FAM135A: variants seen among roughly 807,000 people sequenced by gnomAD.
The protein encoded by FAM135A is family with sequence similarity 135 member A, also known as protein FAM135A.
In FAM135A, 79 loss-of-function variants were observed where a neutral mutation model predicts 146.8. That is an observed-to-expected ratio of 0.54 (90% CI 0.45 to 0.65). The LOEUF (loss-of-function observed/expected upper bound fraction) is 0.65, where lower values mean the gene tolerates loss of function less well. Among genes scored for constraint, FAM135A ranks in the 30% least tolerant of loss-of-function variants. FAM135A has a pLI of 0.00. For synonymous variants in FAM135A, 562 were observed against 603.6 expected (o/e 0.93, Z 1.01); for missense variants, 1,623 against 1,758.2 (o/e 0.92, Z 1.38).
Position 70,560,894 on chromosome 6 carries a change from T to C in FAM135A, c.*973T>C, listed in dbSNP as rs1314695165. On this transcript the variant is annotated 3_prime_UTR_variant, in exon 22 of 22. Transcript: ENST00000418814. Reference sequence around the variant, plus strand: ...AAAATAATTAACTTTACATGTTTGGTGATACAGATGCAAATGTTTTTGATA... The same window carrying C: ...AAAATAATTAACTTTACATGTTTGGCGATACAGATGCAAATGTTTTTGATA... The C allele has an allele frequency of 6.6e-6, 1 of 152,606 alleles. No homozygotes were observed. The highest frequency in any genetic ancestry group is 1.5e-5 in the Non-Finnish European group (1 of 67,992). The allele number at this position is 152,606 out of a possible 1,614,324, so 9.5% of individuals were successfully genotyped here. A position where few individuals can be genotyped will look rare whatever the true frequency, so the allele number is the denominator to read the frequency against.
intron 12 of FAM135A, among the ~76,000 whole-genome samples, chr6:70,512,140 A>G (rs1791129382): frequency 1.3e-5 from 2 of 151,980 alleles, no homozygotes; most frequent in South Asian, 4.1e-4. Flanking sequence ...CCCATAAGCA[A>G]CTACTGTCTT....
intron 5 of FAM135A, among the ~76,000 whole-genome samples, chr6:70,474,850 C>A (rs1782315284): frequency 1.3e-5 from 2 of 152,194 alleles, no homozygotes; most frequent in African/African-American, 4.8e-5. Context: ...ATTCTCCCCT[C>A]TCTGGATATT....
At chr6:70,436,178 C>G (rs1773098598) in intron 4 of FAM135A, among the ~76,000 whole-genome samples, 1 of 141,552 alleles carries the variant, frequency 7.1e-6, no homozygotes, top group Non-Finnish European at 1.5e-5. Context: ...GAACAAGATT[C>G]TGTCTCAAAA....
chr6:70,470,538 C>A (rs977494470), intron 5 of FAM135A, among the ~76,000 whole-genome samples: 2 of 152,082 alleles, frequency 1.3e-5, no homozygotes, highest in Non-Finnish European at 2.9e-5. Context: ...TGTATTTTTA[C>A]TAGAGACAGG....
chr6:70,511,431 A>C (rs1037717577), intron 12 of FAM135A, among the ~76,000 whole-genome samples: 13 of 151,940 alleles, frequency 8.6e-5, no homozygotes, highest in Non-Finnish European at 1.5e-4. Flanking sequence ...CTACTAATAC[A>C]GTTTTCTTGG....
chr6:70,429,735 CAT>C (rs1281008910), intron 4 of FAM135A, among the ~76,000 whole-genome samples: 1 of 151,968 alleles, frequency 6.6e-6, no homozygotes, highest in East Asian at 1.9e-4. Flanking sequence ...CACTTACTAA[CAT>C]GATGGATATT....
At chr6:70,487,146 C>CAGG (rs1784855086) in intron 10 of FAM135A, among the ~76,000 whole-genome samples, 1 of 142,466 alleles carries the variant, frequency 7.0e-6, no homozygotes, top group South Asian at 2.3e-4. Context: ...AATATCCTAT[C>CAGG]AGGATCTGGG....
chr6:70,481,161 C>A, intron 9 of FAM135A, 134 bp downstream of exon 9: 1 of 837,320 alleles, frequency 1.2e-6, no homozygotes, highest in Non-Finnish European at 1.7e-6. Flanking sequence ...TAAATATGAT[C>A]TTAAAAATTG....
At chr6:70,497,841 A>G (rs1295551080) in intron 11 of FAM135A, among the ~76,000 whole-genome samples, 2 of 152,196 alleles carry the variant, frequency 1.3e-5, no homozygotes, top group African/African-American at 4.8e-5. Context: ...ATCATGGTGG[A>G]TAATCTTTTT....
chr6:70,551,637 C>G (rs990587905), intron 20 of FAM135A, among the ~76,000 whole-genome samples: 4 of 151,958 alleles, frequency 2.6e-5, no homozygotes, highest in Admixed American at 6.6e-5. Context: ...ATGTGAGAGA[C>G]GTGACTTTTC....
chr6:70,552,749 C>T (rs369963652), intron 20 of FAM135A, among the ~76,000 whole-genome samples: 4 of 151,846 alleles, frequency 2.6e-5, no homozygotes, highest in East Asian at 3.9e-4. Flanking sequence ...ATTACAGGCA[C>T]GAGCCACTGC....
intron 4 of FAM135A, among the ~76,000 whole-genome samples, chr6:70,442,945 A>G (rs924645173): frequency 1.3e-5 from 2 of 152,172 alleles, no homozygotes; most frequent in East Asian, 3.8e-4. Context: ...TTTTTATCTT[A>G]TATTTTCCCA....
chr6:70,443,838 T>C (rs1459568963), intron 4 of FAM135A, among the ~76,000 whole-genome samples: 1 of 152,178 alleles, frequency 6.6e-6, no homozygotes, highest in Non-Finnish European at 1.5e-5. Flanking sequence ...ACAGATGGCC[T>C]CAGAACAAAA....
chr6:70,452,567 A>G lies in FAM135A; in HGVS notation c.153A>G (p.Ala51=), dbSNP rs748356004. The G allele has an allele frequency of 6.3e-7, 1 of 1,577,098 alleles. No individual in the cohort carries two copies. The highest frequency in any genetic ancestry group is 2.3e-5 in the East Asian group (1 of 42,694). The change falls in exon 5 of 22, where the codon GCA becomes GCG. Residue 51 remains alanine (A), a synonymous_variant. Transcript: ENST00000418814. ...GAGTAGAAGCTAGTTTGTTGCATGC[A>G]ACAGGTAAGCCAAAGAATACATTCA... The part of the protein sequence containing the change: ...PHRVEASLLH[A]TGMTLAFPAS...
chr6:70,481,588 A>C (rs1172821587), intron 9 of FAM135A, among the ~76,000 whole-genome samples: 2 of 151,820 alleles, frequency 1.3e-5, no homozygotes, highest in African/African-American at 4.8e-5. Context: ...AGCTGCAATC[A>C]TGTCACTTCA....
In FAM135A at chr6:70,481,596, TCA is replaced by T. The variant is rs113394296; in HGVS notation, c.670-403_670-402del. On this transcript the variant is annotated intron_variant, in intron 9 of 21. Coordinates refer to ENST00000418814, the MANE Select transcript of FAM135A (RefSeq NM_001162529.3). ...TGCAGTGAGCTGCAATCATGTCACT[TCA>T]CTCCAGCCTGGGTGACAAACTGAGA... is the stretch of plus-strand genomic sequence containing the variant. Among the ~76,000 whole-genome samples, 828 of 151,198 alleles carry T rather than the reference TCA, an allele frequency of 5.5e-3. 5 individuals carry two copies. The highest frequency in any genetic ancestry group is 0.019 in the African/African-American group (777 of 41,106).
In FAM135A at chr6:70,536,429, T is replaced by A. The variant is rs1242132728; in HGVS notation, c.4117+18T>A. 6.4e-7 allele frequency: 1 copy of A among 1,564,882 alleles called. No homozygotes were observed. The highest frequency in any genetic ancestry group is 8.6e-7 in the Non-Finnish European group (1 of 1,160,428). On this transcript the variant is annotated intron_variant, in intron 19 of 21. Coordinates refer to ENST00000418814, the MANE Select transcript of FAM135A (RefSeq NM_001162529.3). ...TAATACAGGTAAAAAGTTTTATTGT[T>A]CTGTATTAAAAATATGGAATAGGGA...
At chr6:70,505,295 G>A (rs2262681) in intron 12 of FAM135A, among the ~76,000 whole-genome samples, 129,603 of 152,142 alleles carry the variant, frequency 0.85, 55,815 homozygotes, top group African/African-American at 0.95. Context: ...TTTAAGTTTT[G>A]CCAATCATCT....
At chr6:70,534,282 AG>A (rs1796375508) in intron 18 of FAM135A, among the ~76,000 whole-genome samples, 2 of 145,314 alleles carry the variant, frequency 1.4e-5, no homozygotes, top group Non-Finnish European at 3.0e-5. Context: ...ATGTATATGA[AG>A]CAACAAAAAT....
Sources: gnomAD v4.1 joint callset for allele counts (sites outside exome capture counted in the v4.1 genomes callset) on GRCh38, gnomAD v4.1.1 for gene constraint, MANE v1.5 for transcripts, NCBI Gene and HGNC (gene_info 2026-07-23, HGNC 2026-07-21) for gene names.